The following PTPRR variants were observed in gnomAD, a reference collection of about 807,000 sequenced individuals.
PTPRR encodes the protein receptor-type tyrosine-protein phosphatase R.
A neutral mutation model predicts 77.2 loss-of-function variants in PTPRR; 38 were observed. The observed-to-expected ratio is 0.49, with a 90% CI of 0.38 to 0.65. The LOEUF (loss-of-function observed/expected upper bound fraction) is 0.65, where lower values mean the gene tolerates loss of function less well. Among genes scored for constraint, PTPRR ranks in the 30% least tolerant of loss-of-function variants. PTPRR has a pLI of 0.00. For synonymous variants in PTPRR, 299 were observed against 283.1 expected, an observed-to-expected ratio of 1.06 and a Z score of -0.57; for missense variants, 744 against 799.2, an observed-to-expected ratio of 0.93 and a Z score of 0.83.
At chr12:70,682,335 G>T (rs1887705946) in intron 10 of PTPRR, among the ~76,000 whole-genome samples, 1 of 152,062 alleles carries the variant, frequency 6.6e-6, no homozygotes, top group South Asian at 2.1e-4. Context: ...GAGCCACCGC[G>T]CCCGGCCGTT....
At chr12:70,674,504 T>C (rs35062727) in intron 10 of PTPRR, among the ~76,000 whole-genome samples, 26,875 of 152,106 alleles carry the variant, frequency 0.18, 3,269 homozygotes, top group African/African-American at 0.35. Flanking sequence ...CATCCATGAA[T>C]TGTGTGTGTG....
intron 2 of PTPRR, among the ~76,000 whole-genome samples, chr12:70,855,320 T>A (rs1486343922): frequency 6.6e-6 from 1 of 151,854 alleles, no homozygotes; most frequent in Non-Finnish European, 1.5e-5. Flanking sequence ...TCATATGGGG[T>A]GAGTGAAAGG....
At chr12:70,895,998 C>T (rs772687944) in intron 1 of PTPRR, among the ~76,000 whole-genome samples, 8 of 151,562 alleles carry the variant, frequency 5.3e-5, no homozygotes, top group Non-Finnish European at 1.0e-4. Flanking sequence ...GCAAGAAACT[C>T]ACTTCAAATA....
At chr12:70,673,731 G>A (rs1887333688) in intron 10 of PTPRR, among the ~76,000 whole-genome samples, 1 of 152,132 alleles carries the variant, frequency 6.6e-6, no homozygotes, top group South Asian at 2.1e-4. Flanking sequence ...TCAAACCAAA[G>A]TGGGCAGGGG....
chr12:70,715,147 A>T (rs1888975887), intron 6 of PTPRR, among the ~76,000 whole-genome samples: 1 of 152,110 alleles, frequency 6.6e-6, no homozygotes, highest in Non-Finnish European at 1.5e-5. Flanking sequence ...AGTACAAAAG[A>T]GAGAAATTTT....
chr12:70,764,685 C>T lies in PTPRR; in HGVS notation c.451G>A (p.Val151Met). Residue 151 changes from valine to methionine, a missense_variant, in exon 3 of 14, where the codon GTG (valine) becomes ATG (methionine). Around this residue, in one of 3 missense-constraint regions of PTPRR, gnomAD observed 570 missense variants for 573.2 expected, o/e 0.99. Transcript: ENST00000283228. ...AAALGLLPQQ[V>M]HINRLIGKKN... ...CTTACAATGAGGCGATTGATGTGCA[C>T]TTGCTGGGGTAAGAGTCCTAAAGCT... 1 of 1,613,462 alleles carries T rather than the reference C, an allele frequency of 6.2e-7. No homozygotes were observed. The highest frequency in any genetic ancestry group is 8.5e-7 in the Non-Finnish European group (1 of 1,179,422).
At chr12:70,697,663 C>T (rs368906876) in intron 8 of PTPRR, among the ~76,000 whole-genome samples, 15 of 152,088 alleles carry the variant, frequency 9.9e-5, no homozygotes, top group Middle Eastern at 3.4e-3. Context: ...CAGCTGTTTT[C>T]GTTTATGAGT....
chr12:70,725,257 C>CTTTATG (rs1198563709), intron 6 of PTPRR, among the ~76,000 whole-genome samples: 2 of 152,030 alleles, frequency 1.3e-5, no homozygotes, highest in African/African-American at 4.8e-5. Flanking sequence ...CCTCACTTAT[C>CTTTATG]TTTATGTTTA....
intron 1 of PTPRR, 27 bp downstream of exon 1, chr12:70,920,306 C>T (rs1476709599): frequency 1.9e-6 from 3 of 1,608,118 alleles, no homozygotes; most frequent in Non-Finnish European, 2.6e-6. Context: ...ATGCACAGCT[C>T]CGGCTCTAAG....
chr12:70,891,108 C>A lies in PTPRR; in HGVS notation c.357+1571G>T, dbSNP rs910949488. ...AGGGAAAGCTAATGCAGCAAAATTG[C>A]CTATTGCCTCTATGTAATCATCACC... On this transcript the variant is annotated intron_variant, in intron 2 of 13. Coordinates refer to ENST00000283228, the MANE Select transcript of PTPRR (RefSeq NM_002849.4). Among the ~76,000 whole-genome samples the A allele has an allele frequency of 2.0e-5, 3 of 152,154 alleles. 1 individual carries two copies. The highest frequency in any genetic ancestry group is 4.4e-5 in the Non-Finnish European group (3 of 67,984).
At chr12:70,894,713 G>T (rs929933075) in intron 1 of PTPRR, among the ~76,000 whole-genome samples, 3 of 151,680 alleles carry the variant, frequency 2.0e-5, no homozygotes, top group Admixed American at 6.6e-5. Context: ...ACAACATTGA[G>T]ATATCCTGTT....
chr12:70,856,715 T>C (rs1055947516), intron 2 of PTPRR, among the ~76,000 whole-genome samples: 4 of 150,636 alleles, frequency 2.7e-5, no homozygotes, highest in African/African-American at 9.9e-5. Context: ...GCAATTGCAG[T>C]TATGATGGCG....
At chr12:70,736,455 T>C (rs757380470) in intron 6 of PTPRR, among the ~76,000 whole-genome samples, 4 of 152,146 alleles carry the variant, frequency 2.6e-5, no homozygotes, top group Non-Finnish European at 4.4e-5. Context: ...AGCATGCCAA[T>C]TTATTATTAA....
intron 2 of PTPRR, among the ~76,000 whole-genome samples, chr12:70,849,384 T>C (rs1439526960): frequency 2.0e-5 from 3 of 152,194 alleles, no homozygotes; most frequent in Non-Finnish European, 4.4e-5. Flanking sequence ...GGAATCCAAG[T>C]CTGGAAAGAA....
At position 70,920,567 on chromosome 12, in the gene PTPRR, C is replaced by T; in HGVS notation, c.-177G>A. On this transcript the variant is annotated 5_prime_UTR_variant, in exon 1 of 14. Transcript: ENST00000283228. ...AGAAACCAGCACCAGCTTCAACCTC[C>T]CTAAGAGAGGGAGAGAGGAAGAGCA... 1.7e-6 allele frequency: 1 copy of T among 599,632 alleles called. No homozygotes were observed. Among genetic ancestry groups the T allele is most frequent in the South Asian group, 1.8e-5 (1 of 54,402 alleles). 37.1% of individuals were successfully genotyped at this position (599,632 alleles called of 1,614,324 possible). A position where few individuals can be genotyped will look rare whatever the true frequency, so the allele number is the denominator to read the frequency against.
At chr12:70,884,385 GGAAA>G (rs1435765180) in intron 2 of PTPRR, among the ~76,000 whole-genome samples, 1 of 151,898 alleles carries the variant, frequency 6.6e-6, no homozygotes, top group Non-Finnish European at 1.5e-5. Context: ...AGACAAAGAA[GGAAA>G]GAAAGAAAAG....
intron 2 of PTPRR, among the ~76,000 whole-genome samples, chr12:70,798,405 T>A (rs1161601857): frequency 1.3e-5 from 2 of 152,204 alleles, no homozygotes; most frequent in Non-Finnish European, 2.9e-5. Flanking sequence ...AGAAATATTT[T>A]AAAAATATAC....
chr12:70,825,247 C>T (rs1475889511), intron 2 of PTPRR, among the ~76,000 whole-genome samples: 1 of 152,002 alleles, frequency 6.6e-6, no homozygotes, highest in Non-Finnish European at 1.5e-5. Flanking sequence ...CACTACACTC[C>T]AGCCTGGGCG....
intron 13 of PTPRR, among the ~76,000 whole-genome samples, chr12:70,641,162 A>G (rs1030751862): frequency 6.6e-6 from 1 of 152,196 alleles, no homozygotes; most frequent in Admixed American, 6.5e-5. Flanking sequence ...GGGAGACACC[A>G]CCACAGTAAA....
Sources: allele counts gnomAD v4.1 joint callset (sites outside exome capture counted in the v4.1 genomes callset), GRCh38; gene constraint gnomAD v4.1.1; regional missense constraint gnomAD v4.1.1; transcripts MANE v1.5; gene names NCBI Gene and HGNC (gene_info 2026-07-23, HGNC 2026-07-21).